The following EFHB variants were observed in gnomAD, a reference collection of about 807,000 sequenced individuals.
EFHB encodes EF-hand domain family member B.
Under a neutral mutation model 87.2 loss-of-function variants are expected in EFHB, and 91 were observed. That is an observed-to-expected ratio of 1.04 (90% CI 0.88 to 1.24). The LOEUF (loss-of-function observed/expected upper bound fraction) is 1.24, where lower values mean the gene tolerates loss of function less well. Among genes scored for constraint, EFHB ranks in the 50% most tolerant of loss-of-function variants. EFHB has a pLI of 0.00. For synonymous variants in EFHB, 325 were observed against 333.6 expected (o/e 0.97, Z 0.28); for missense variants, 1,084 against 998.8 (o/e 1.09, Z -1.15).
intron 12 of EFHB, 112 bp downstream of exon 12, chr3:19,882,438 C>A: frequency 9.9e-7 from 1 of 1,009,444 alleles, no homozygotes; most frequent in East Asian, 2.7e-5. Flanking sequence ...GAATCCTATA[C>A]TTGGGGATCC....
At chr3:19,909,771 T>C (rs911044077) in intron 5 of EFHB, among the ~76,000 whole-genome samples, 2 of 152,108 alleles carry the variant, frequency 1.3e-5, no homozygotes, top group African/African-American at 4.8e-5. Flanking sequence ...TAGGGCACTG[T>C]GGGACTCAGG....
chr3:19,942,000 C>A (rs757660723), intron 1 of EFHB, among the ~76,000 whole-genome samples: 1 of 151,002 alleles, frequency 6.6e-6, no homozygotes, highest in Non-Finnish European at 1.5e-5. Flanking sequence ...ACTAAAAATA[C>A]AAAAAAAATT....
chr3:19,917,408 C>G (rs548973380), intron 4 of EFHB, among the ~76,000 whole-genome samples: 3 of 152,180 alleles, frequency 2.0e-5, no homozygotes, highest in African/African-American at 4.8e-5. Context: ...GTAGATGTCA[C>G]TACCTTAAGG....
At chr3:19,932,612 T>G (rs1226791085) in intron 1 of EFHB, among the ~76,000 whole-genome samples, 1 of 152,264 alleles carries the variant, frequency 6.6e-6, no homozygotes, top group African/African-American at 2.4e-5. Context: ...TCCCATCTCT[T>G]CTAAACAGAA....
intron 1 of EFHB, among the ~76,000 whole-genome samples, chr3:19,928,694 C>T (rs946958076): frequency 6.6e-6 from 1 of 152,198 alleles, no homozygotes; most frequent in African/African-American, 2.4e-5. Flanking sequence ...ATCTGTCTGC[C>T]TTGGCCTCCC....
At chr3:19,899,936 G>A (rs1177488462) in intron 6 of EFHB, among the ~76,000 whole-genome samples, 1 of 152,010 alleles carries the variant, frequency 6.6e-6, no homozygotes, top group Non-Finnish European at 1.5e-5. Flanking sequence ...AGCTGGGCGT[G>A]GTGGCATGTA....
upstream of EFHB, among the ~76,000 whole-genome samples, chr3:19,938,636 A>G (rs1464219414): frequency 6.6e-6 from 1 of 152,236 alleles, no homozygotes; most frequent in Non-Finnish European, 1.5e-5. Context: ...CTTCACAGTC[A>G]CAGACTTGAT....
chr3:19,889,251 T>G (rs11925477), intron 9 of EFHB, among the ~76,000 whole-genome samples: 21,553 of 152,196 alleles, frequency 0.14, 1,773 homozygotes, highest in Middle Eastern at 0.23. Context: ...AACTGGCTGA[T>G]TCACTTGGGA....
At position 19,918,215 on chromosome 3, in the gene EFHB, ATTT is replaced by A; in HGVS notation, c.1177+14_1177+16del. The A allele has an allele frequency of 2.5e-6, 3 of 1,192,598 alleles. No homozygotes were observed. The highest frequency in any genetic ancestry group is 3.2e-5 in the South Asian group (2 of 63,246). 73.9% of individuals were successfully genotyped at this position (1,192,598 alleles called of 1,614,324 possible). A position where few individuals can be genotyped will look rare whatever the true frequency, so the allele number is the denominator to read the frequency against. ...TTTTACCAGCCCCTTCCCACCCCTT[ATTT>A]TTTTTTTTACTACCTTTGATGACTG... On this transcript the variant is annotated intron_variant, in intron 4 of 12. Transcript: ENST00000295824.
chr3:19,915,187 AT>A (rs1695185444), intron 5 of EFHB, 115 bp downstream of exon 5: 4 of 637,968 alleles, frequency 6.3e-6, no homozygotes, highest in Non-Finnish European at 1.1e-5. Context: ...ATAATATTGT[AT>A]TAGTTACCTA....
intron 9 of EFHB, chr3:19,896,478 C>T: frequency 1.5e-6 from 1 of 688,352 alleles, no homozygotes. Flanking sequence ...GTTGCTACTA[C>T]CTAACTCTGT....
At chr3:19,905,867 T>C (rs1694826146) in intron 5 of EFHB, 118 bp from the exon 6 acceptor site, 1 of 1,287,962 alleles carries the variant, frequency 7.8e-7, no homozygotes, top group South Asian at 1.7e-5. Context: ...AATGAAATTG[T>C]AACAGTGCAG....
chr3:19,889,842 GC>G (rs1174212444), intron 9 of EFHB, among the ~76,000 whole-genome samples: 2 of 152,064 alleles, frequency 1.3e-5, no homozygotes, highest in Non-Finnish European at 2.9e-5. Context: ...TACAAAATTA[GC>G]CAGCGTGGTG....
At chr3:19,930,759 C>T (rs978585187) in intron 1 of EFHB, among the ~76,000 whole-genome samples, 1 of 152,174 alleles carries the variant, frequency 6.6e-6, no homozygotes, top group Non-Finnish European at 1.5e-5. Flanking sequence ...CATACTACCA[C>T]ACCTGGCTAA....
At chr3:19,940,323 G>A (rs1015310388) in intron 1 of EFHB, 1 of 296,860 alleles carries the variant, frequency 3.4e-6, no homozygotes, top group South Asian at 3.1e-5. Context: ...CACCAACAGT[G>A]AATCCCCTAG....
chr3:19,904,790 C>G (rs551212301), intron 6 of EFHB, among the ~76,000 whole-genome samples: 54 of 152,180 alleles, frequency 3.5e-4, no homozygotes, highest in Non-Finnish European at 6.5e-4. Context: ...GCCATCAGGA[C>G]ATAGACATAT....
intron 10 of EFHB, among the ~76,000 whole-genome samples, chr3:19,888,190 A>G (rs752950472): frequency 5.2e-4 from 79 of 152,188 alleles, no homozygotes; most frequent in South Asian, 6.2e-4. Context: ...AGTTGAATAT[A>G]GCTGAGCTCT....
chr3:19,933,938 G>A lies in EFHB; in HGVS notation c.81C>T (p.Pro27=). ...ATCCTACTCTGATCCCCAACTCCAT[G>A]GGAAATTTTGTTCCCATGATGACCC... is the stretch of plus-strand genomic sequence containing the variant. ...DKRVIMGTKF[P]MELGIRVGLG... is the part of the protein sequence containing the mutation. The change falls in exon 1 of 13, where the codon CCC becomes CCT. Residue 27 remains proline, a synonymous_variant. Transcript: ENST00000295824. 1 of 1,613,774 alleles carries A rather than the reference G, an allele frequency of 6.2e-7. No individual in the cohort carries two copies. The highest frequency in any genetic ancestry group is 8.5e-7 in the Non-Finnish European group (1 of 1,179,820).
chr3:19,941,066 C>A, intron 1 of EFHB: 1 of 360,366 alleles, frequency 2.8e-6, no homozygotes, highest in South Asian at 4.1e-5. Context: ...ACAGCTGCAC[C>A]ATAAGCAACA....
Sources: allele counts gnomAD v4.1 joint callset (sites outside exome capture counted in the v4.1 genomes callset), GRCh38; gene constraint gnomAD v4.1.1; transcripts MANE v1.5; gene names NCBI Gene and HGNC (gene_info 2026-07-23, HGNC 2026-07-21).